The following SNCAIP variants were observed in gnomAD, a reference collection of about 807,000 sequenced individuals.
The protein encoded by SNCAIP is synuclein alpha interacting protein.
Under a neutral mutation model 86.7 loss-of-function variants are expected in SNCAIP, and 43 were observed. The ratio of observed to expected loss-of-function variants is 0.50; its 90% confidence interval spans 0.39 to 0.64. SNCAIP has a LOEUF of 0.64. SNCAIP is among the 30% of genes least tolerant of loss of function. The pLI is 0.00. For missense variants in SNCAIP, 981 were observed against 1,103.1 expected, an observed-to-expected ratio of 0.89 and a Z score of 1.57; for synonymous variants, 417 against 427.2, an observed-to-expected ratio of 0.98 and a Z score of 0.29.
At chr5:122,416,097 A>G (rs1327718365) in intron 3 of SNCAIP, among the ~76,000 whole-genome samples, 2 of 152,214 alleles carry the variant, frequency 1.3e-5, no homozygotes, top group African/African-American at 4.8e-5. Flanking sequence ...TTGGTGAAGT[A>G]TCTTTTCTAT....
At chr5:122,327,807 A>T (rs1471118855) in intron 1 of SNCAIP, among the ~76,000 whole-genome samples, 1 of 152,206 alleles carries the variant, frequency 6.6e-6, no homozygotes, top group Non-Finnish European at 1.5e-5. Context: ...TCTTCTAGCT[A>T]ATTTCTGTCT....
At chr5:122,462,112 A>T (rs1396293403) in intron 10 of SNCAIP, among the ~76,000 whole-genome samples, 2 of 151,996 alleles carry the variant, frequency 1.3e-5, no homozygotes, top group African/African-American at 2.4e-5. Context: ...ACGTTGGAGG[A>T]CTTTATGTGT....
chr5:122,364,925 CT>C (rs1168960356), intron 1 of SNCAIP, among the ~76,000 whole-genome samples: 2 of 152,140 alleles, frequency 1.3e-5, no homozygotes, highest in Non-Finnish European at 2.9e-5. Flanking sequence ...TTAAAATATA[CT>C]GCTCAGTGCC....
At chr5:122,373,522 C>G (rs1311784907) in intron 1 of SNCAIP, among the ~76,000 whole-genome samples, 4 of 152,182 alleles carry the variant, frequency 2.6e-5, no homozygotes. Context: ...ATGAAGCCCT[C>G]TGCAGACGTG....
intron 2 of SNCAIP, among the ~76,000 whole-genome samples, chr5:122,400,021 A>G (rs186902053): frequency 2.0e-5 from 3 of 152,192 alleles, no homozygotes; most frequent in Admixed American, 2.0e-4. Flanking sequence ...GGGGTCAGAA[A>G]AGATTTTGTA....
chr5:122,433,210 T>A (rs1166645155), intron 6 of SNCAIP, among the ~76,000 whole-genome samples: 1 of 152,082 alleles, frequency 6.6e-6, no homozygotes, highest in Admixed American at 6.6e-5. Context: ...AAATGTTTCC[T>A]ATGTGTGCCA....
chr5:122,368,517 T>G (rs1289939796), intron 1 of SNCAIP, among the ~76,000 whole-genome samples: 1 of 152,164 alleles, frequency 6.6e-6, no homozygotes, highest in African/African-American at 2.4e-5. Context: ...GACTCCTGAC[T>G]CTGTCATGTA....
chr5:122,354,629 G>C (rs1310650877), intron 1 of SNCAIP, among the ~76,000 whole-genome samples: 1 of 152,188 alleles, frequency 6.6e-6, no homozygotes, highest in South Asian at 2.1e-4. Flanking sequence ...CAGATATATA[G>C]TGAAGTAATC....
At chr5:122,403,926 G>A in intron 3 of SNCAIP, 61 bp downstream of exon 3, 3 of 1,333,228 alleles carry the variant, frequency 2.3e-6, no homozygotes, top group Non-Finnish European at 3.2e-6. Flanking sequence ...CTCCTGGAAA[G>A]CTGTTTTTCC....
intron 1 of SNCAIP, among the ~76,000 whole-genome samples, chr5:122,319,533 T>A (rs936727944): frequency 6.6e-6 from 1 of 152,176 alleles, no homozygotes; most frequent in African/African-American, 2.4e-5. Flanking sequence ...CTGTTTTCAG[T>A]CTGAGAGTCT....
intron 2 of SNCAIP, among the ~76,000 whole-genome samples, chr5:122,392,693 C>T (rs1466614928): frequency 6.6e-6 from 1 of 152,170 alleles, no homozygotes; most frequent in Non-Finnish European, 1.5e-5. Context: ...CTACCTTGTT[C>T]TGACTCTTAC....
chr5:122,394,935 C>T (rs1770271355), intron 2 of SNCAIP, among the ~76,000 whole-genome samples: 1 of 152,150 alleles, frequency 6.6e-6, no homozygotes, highest in Admixed American at 6.6e-5. Context: ...GCTTAGAGAG[C>T]TTGTCTGACA....
chr5:122,455,820 C>T (rs1188296149), intron 10 of SNCAIP, among the ~76,000 whole-genome samples: 2 of 152,106 alleles, frequency 1.3e-5, no homozygotes, highest in Admixed American at 1.3e-4. Context: ...CTTTTCAATG[C>T]CCTTTAAAAT....
At chr5:122,378,740 G>C (rs1208121191) in intron 1 of SNCAIP, among the ~76,000 whole-genome samples, 1 of 135,570 alleles carries the variant, frequency 7.4e-6, no homozygotes, top group East Asian at 2.3e-4. Flanking sequence ...AAGGGATCCA[G>C]TTTCAGCTTT....
intron 1 of SNCAIP, among the ~76,000 whole-genome samples, chr5:122,341,063 C>T (rs1757474339): frequency 6.6e-6 from 1 of 152,152 alleles, no homozygotes; most frequent in South Asian, 2.1e-4. Flanking sequence ...CTATTCAACC[C>T]CAAGAGCCTA....
At chr5:122,344,175 C>T (rs571414342) in intron 1 of SNCAIP, among the ~76,000 whole-genome samples, 1 of 152,278 alleles carries the variant, frequency 6.6e-6, no homozygotes, top group South Asian at 2.1e-4. Context: ...GAAAGCGGGA[C>T]ATTTTTTCTT....
At position 122,385,673 on chromosome 5, in the gene SNCAIP, ATGTGTGTG is replaced by A. The variant is rs371793989; in HGVS notation, c.-46-5384_-46-5377del. Among the ~76,000 whole-genome samples the A allele has an allele frequency of 1.8e-3, 252 of 138,422 alleles. 1 individual carries two copies. Among genetic ancestry groups the A allele is most frequent in the African/African-American group, 6.3e-3 (232 of 36,846 alleles). The allele number at this position is 138,422 out of a possible 152,430, so 90.8% of individuals were successfully genotyped here. On this transcript the variant is annotated intron_variant, in intron 1 of 10. Transcript: ENST00000261368. ...TTGGCAGGCATGCGTGTGCGCACGT[ATGTGTGTG>A]TGTGTGTGTGTGTGTGTGTGTGTGT...
rs147211337 is a variant in SNCAIP at position 122,328,801 on chromosome 5, T to G, written c.-47+16517T>G. ...CATTTAAGCCCTTATGATTTGAGCC[T>G]TGCCCACTTGTCCAGCTTCATGGGA... On this transcript the variant is annotated intron_variant, in intron 1 of 10. Transcript: ENST00000261368. 2.0e-3 allele frequency among the ~76,000 whole-genome samples: 308 copies of G among 152,334 alleles called. 3 individuals are homozygous for G. Among genetic ancestry groups the G allele is most frequent in the African/African-American group, 7.1e-3 (297 of 41,566 alleles).
At chr5:122,404,032 T>A (rs1772437443) in intron 3 of SNCAIP, among the ~76,000 whole-genome samples, 167 bp downstream of exon 3, 1 of 151,974 alleles carries the variant, frequency 6.6e-6, no homozygotes, top group South Asian at 2.1e-4. Context: ...AACAAACAGA[T>A]GTTAGGTCAT....
Sources: gnomAD v4.1 joint callset for allele counts (sites outside exome capture counted in the v4.1 genomes callset) on GRCh38, gnomAD v4.1.1 for gene constraint, MANE v1.5 for transcripts, NCBI Gene and HGNC (gene_info 2026-07-23, HGNC 2026-07-21) for gene names.